DPYD: variants seen among roughly 807,000 people sequenced by gnomAD.
DPYD encodes the protein dihydropyrimidine dehydrogenase [NADP(+)].
A neutral mutation model predicts 116.2 loss-of-function variants in DPYD; 109 were observed. The observed-to-expected ratio is 0.94, with a 90% CI of 0.80 to 1.10. The LOEUF is 1.10. Ranked by LOEUF, DPYD falls within the 50% of genes least tolerant of loss-of-function variation. DPYD has a pLI of 0.00. For synonymous variants in DPYD, 440 were observed against 432.0 expected (o/e 1.02, Z -0.23); for missense variants, 1,302 against 1,254.5 (o/e 1.04, Z -0.57).
intron 18 of DPYD, among the ~76,000 whole-genome samples, chr1:97,261,440 T>C (rs1663867572): frequency 6.6e-6 from 1 of 151,224 alleles, no homozygotes; most frequent in Admixed American, 6.6e-5. Flanking sequence ...CACTTGCTAG[T>C]GTGGATGAAG....
At chr1:97,521,463 C>T (rs1024233128) in intron 12 of DPYD, among the ~76,000 whole-genome samples, 1 of 152,128 alleles carries the variant, frequency 6.6e-6, no homozygotes, top group East Asian at 1.9e-4. Flanking sequence ...GAATCAATAT[C>T]ATGAAAATGG....
At chr1:97,880,853 T>A (rs1173830398) in intron 2 of DPYD, among the ~76,000 whole-genome samples, 1 of 152,018 alleles carries the variant, frequency 6.6e-6, no homozygotes, top group Non-Finnish European at 1.5e-5. Flanking sequence ...ATCCAGATTA[T>A]TATTTCAAAA....
intron 3 of DPYD, among the ~76,000 whole-genome samples, chr1:97,744,264 A>T (rs189391861): frequency 1.4e-3 from 209 of 152,156 alleles, no homozygotes; most frequent in African/African-American, 4.8e-3. Context: ...CCATAGTATG[A>T]CACCAAAAAT....
In DPYD at chr1:97,275,585, T is replaced by C. The variant is rs557176267; in HGVS notation, c.2299+29674A>G. 2.0e-5 allele frequency among the ~76,000 whole-genome samples: 3 copies of C among 152,220 alleles called. No homozygotes were observed. In the South Asian group the frequency reaches 6.2e-4, roughly 32 times the overall value. The stretch of plus-strand genomic sequence containing the variant: ...GTTATTATGAGTATGTGAAAGTGGC[T>C]TTAGAAATTTTGAAATTTCTAAAAA... On this transcript the variant is annotated intron_variant, in intron 18 of 22. Transcript: ENST00000370192.
intron 16 of DPYD, among the ~76,000 whole-genome samples, chr1:97,344,555 A>AT (rs1025002448): frequency 6.6e-6 from 1 of 151,428 alleles, no homozygotes; most frequent in Non-Finnish European, 1.5e-5. Context: ...TTAACATTCA[A>AT]TTTTTTTCTC....
chr1:97,292,224 C>T (rs559910361), intron 18 of DPYD, among the ~76,000 whole-genome samples: 1 of 152,190 alleles, frequency 6.6e-6, no homozygotes, highest in East Asian at 1.9e-4. Flanking sequence ...GTATTATAAG[C>T]TACATTGGTC....
At chr1:97,478,187 T>C (rs1678093807) in intron 13 of DPYD, among the ~76,000 whole-genome samples, 1 of 152,238 alleles carries the variant, frequency 6.6e-6, no homozygotes, top group African/African-American at 2.4e-5. Context: ...AGGCTTAAAA[T>C]GTTCAGTAAA....
intron 20 of DPYD, among the ~76,000 whole-genome samples, chr1:97,145,686 A>G (rs1654565397): frequency 1.3e-5 from 2 of 152,098 alleles, no homozygotes; most frequent in Non-Finnish European, 2.9e-5. Flanking sequence ...TGCAGGGTAT[A>G]ACCAGGCCGT....
At chr1:97,341,469 G>C (rs1669584354) in intron 16 of DPYD, among the ~76,000 whole-genome samples, 1 of 152,020 alleles carries the variant, frequency 6.6e-6, no homozygotes, top group South Asian at 2.1e-4. Flanking sequence ...CTGAACACAG[G>C]ATATACATAG....
intron 20 of DPYD, among the ~76,000 whole-genome samples, chr1:97,152,974 TAAA>T (rs903616095): frequency 5.9e-5 from 9 of 152,102 alleles, no homozygotes; most frequent in South Asian, 4.1e-4. Flanking sequence ...GTAAAACACT[TAAA>T]AACACTAGAG....
intron 3 of DPYD, among the ~76,000 whole-genome samples, chr1:97,796,764 C>A (rs528164847): frequency 1.3e-5 from 2 of 152,194 alleles, no homozygotes; most frequent in Admixed American, 1.3e-4. Flanking sequence ...TCTGTGGGAA[C>A]AATGGTAATT....
chr1:97,507,280 G>T (rs1038514006), intron 13 of DPYD, among the ~76,000 whole-genome samples: 10 of 151,884 alleles, frequency 6.6e-5, no homozygotes, highest in African/African-American at 2.4e-4. Flanking sequence ...CATGTTAAAA[G>T]TCTCCCAGAT....
chr1:97,637,005 T>G (rs1436789852), intron 8 of DPYD, among the ~76,000 whole-genome samples: 1 of 152,124 alleles, frequency 6.6e-6, no homozygotes, highest in African/African-American at 2.4e-5. Flanking sequence ...AAATTGAAGG[T>G]ATTTGAGATT....
chr1:97,545,013 T>C (rs1371972190), intron 12 of DPYD, among the ~76,000 whole-genome samples: 3 of 152,078 alleles, frequency 2.0e-5, no homozygotes, highest in African/African-American at 7.2e-5. Flanking sequence ...AGATTTCTGG[T>C]CAATCAAAAT....
chr1:97,772,526 C>T (rs1666197141), intron 3 of DPYD, among the ~76,000 whole-genome samples: 1 of 152,088 alleles, frequency 6.6e-6, no homozygotes, highest in Admixed American at 6.5e-5. Context: ...AGTGTAATTT[C>T]ACAGGTTGGA....
In DPYD at chr1:97,127,140, C is replaced by T. The variant is rs185636987; in HGVS notation, c.2623-28508G>A. Among the ~76,000 whole-genome samples, 55 of 152,172 alleles carry T rather than the reference C, an allele frequency of 3.6e-4. No individual in the cohort carries two copies. In the East Asian group the frequency reaches 6.0e-3, roughly 17 times the overall value. ...AGGATAAGGCAGGCCTTCTTGGACACGAACAAGGCCTGACAGCATATGCAA... is the reference window on the plus strand; with the variant it reads ...AGGATAAGGCAGGCCTTCTTGGACATGAACAAGGCCTGACAGCATATGCAA... On this transcript the variant is annotated intron_variant, in intron 20 of 22. Coordinates refer to ENST00000370192, the MANE Select transcript of DPYD (RefSeq NM_000110.4).
At chr1:97,800,236 T>G (rs1014759997) in intron 3 of DPYD, among the ~76,000 whole-genome samples, 8 of 151,958 alleles carry the variant, frequency 5.3e-5, no homozygotes, top group African/African-American at 1.7e-4. Context: ...CAACAAATTA[T>G]AGCTATTATT....
At chr1:97,794,213 C>T (rs921610652) in intron 3 of DPYD, among the ~76,000 whole-genome samples, 1 of 152,156 alleles carries the variant, frequency 6.6e-6, no homozygotes, top group Non-Finnish European at 1.5e-5. Flanking sequence ...TTTGGGATTA[C>T]AGGCATAAGC....
intron 19 of DPYD, among the ~76,000 whole-genome samples, chr1:97,211,861 C>T (rs1256815126): frequency 3.9e-5 from 6 of 151,982 alleles, no homozygotes; most frequent in Non-Finnish European, 5.9e-5. Flanking sequence ...GTATACATAT[C>T]TTAAATAAAG....
Sources: allele counts gnomAD v4.1 joint callset (sites outside exome capture counted in the v4.1 genomes callset), GRCh38; gene constraint gnomAD v4.1.1; transcripts MANE v1.5; gene names NCBI Gene and HGNC (gene_info 2026-07-23, HGNC 2026-07-21).